Variants in SYTL4 observed in about 807,000 individuals in gnomAD.
SYTL4 encodes synaptotagmin-like protein 4.
Under a neutral mutation model 52.7 loss-of-function variants are expected in SYTL4, and 16 were observed. The ratio of observed to expected loss-of-function variants is 0.30; its 90% CI spans 0.21 to 0.46. The LOEUF (loss-of-function observed/expected upper bound fraction) is 0.46, where lower values mean the gene tolerates loss of function less well. SYTL4 is among the 20% of genes least tolerant of loss of function. The pLI is 1.00. For missense variants in SYTL4, 423 were observed against 519.9 expected, an observed-to-expected ratio of 0.81 and a Z score of 1.81; for synonymous variants, 160 against 186.6, an observed-to-expected ratio of 0.86 and a Z score of 1.16.
At chrX:100,714,484 C>A (rs1426372794) in intron 2 of SYTL4, among the ~76,000 whole-genome samples, 2 of 111,503 alleles carry the variant, frequency 1.8e-5, no homozygotes, top group East Asian at 2.8e-4. Flanking sequence ...TGGTCTCGAT[C>A]TCCTGACCTC....
intron 12 of SYTL4, among the ~76,000 whole-genome samples, chrX:100,688,798 CAG>C (rs1283929490): frequency 3.7e-5 from 4 of 109,282 alleles, no homozygotes; most frequent in African/African-American, 1.3e-4. Flanking sequence ...CTCCTGATCT[CAG>C]GTGATCCGCC....
chrX:100,678,374 G>A lies in SYTL4; in HGVS notation c.1867+17C>T, dbSNP rs779607112. The stretch of plus-strand genomic sequence containing the variant: ...AAGAAGCCTTCAAACAAGTGAGGAT[G>A]GGGGAGGGGATCTCACCAGTGCCAA... On this transcript the variant is annotated intron_variant, in intron 19 of 19. Transcript: ENST00000372989. The A allele has an allele frequency of 1.5e-5, 17 of 1,172,414 alleles. No homozygotes were observed. In the South Asian group the frequency reaches 2.5e-4, roughly 17 times the overall value.
chrX:100,690,784 T>A (rs1408758558), intron 9 of SYTL4, 146 bp from the exon 10 acceptor site: 12 of 458,129 alleles, frequency 2.6e-5, no homozygotes, highest in Non-Finnish European at 4.0e-5. Context: ...GTGATTTACC[T>A]GGAAGGAATG....
At chrX:100,688,787 A>G (rs1293453957) in intron 12 of SYTL4, among the ~76,000 whole-genome samples, 1 of 107,641 alleles carries the variant, frequency 9.3e-6, no homozygotes, top group African/African-American at 3.4e-5. Context: ...CTGGTCTCAA[A>G]CTCCTGATCT....
intron 17 of SYTL4, among the ~76,000 whole-genome samples, chrX:100,680,418 C>T (rs982671846): frequency 4.2e-4 from 47 of 110,900 alleles, no homozygotes; most frequent in African/African-American, 1.5e-3. Context: ...TTTCAAAGAA[C>T]GTAGGCCACA....
chrX:100,677,307 T>G (rs776411250), intron 19 of SYTL4, among the ~76,000 whole-genome samples: 1 of 110,909 alleles, frequency 9.0e-6, no homozygotes, highest in East Asian at 2.9e-4. Context: ...AGGGGAAGAG[T>G]GATACAAGAC....
chrX:100,706,143 C>G (rs1303719802), intron 2 of SYTL4, among the ~76,000 whole-genome samples: 1 of 111,826 alleles, frequency 8.9e-6, no homozygotes, highest in Admixed American at 9.5e-5. Context: ...GCTCCTATAC[C>G]CAGGTTCTAC....
In SYTL4 at chrX:100,678,587, G is replaced by T; in HGVS notation, c.1671C>A (p.Pro557=). ...TACGTTTACTGGCCTTGTTCCTCAT[G>T]GGAAGGAGGTATCTGGCAGAGGGCG... The part of the protein sequence containing the change: ...SDSFVKGYLL[P]MRNKASKRKT... The change falls in exon 19 of 20, where the codon CCC becomes CCA. Residue 557 remains proline, a synonymous_variant. Transcript: ENST00000372989. 8.3e-7 allele frequency: 1 copy of T among 1,209,502 alleles called. No individual in the cohort carries two copies. The highest frequency in any genetic ancestry group is 1.1e-6 in the Non-Finnish European group (1 of 893,535).
At chrX:100,708,763 T>C (rs1192663987) in intron 2 of SYTL4, among the ~76,000 whole-genome samples, 1 of 112,249 alleles carries the variant, frequency 8.9e-6, no homozygotes, top group Non-Finnish European at 1.9e-5. Flanking sequence ...GACTAAAATA[T>C]AGAATTCCTT....
chrX:100,676,278 A>G, intron 19 of SYTL4, 102 bp from the exon 20 acceptor site: 1 of 922,820 alleles, frequency 1.1e-6, no homozygotes, highest in Admixed American at 2.5e-5. Context: ...ACAGTTTCCT[A>G]CGAAGATGGG....
intron 2 of SYTL4, among the ~76,000 whole-genome samples, chrX:100,711,868 T>C (rs1378727085): frequency 1.4e-5 from 1 of 69,576 alleles, no homozygotes; most frequent in Non-Finnish European, 2.6e-5. Flanking sequence ...AGTGGTGGGG[T>C]GGGGTGGGGT....
At chrX:100,683,974 A>G (rs960555847) in intron 16 of SYTL4, among the ~76,000 whole-genome samples, 3 of 111,651 alleles carry the variant, frequency 2.7e-5, no homozygotes, top group African/African-American at 9.8e-5. Flanking sequence ...ATATAATTAT[A>G]TTGACCGTAG....
At chrX:100,695,045 C>G (rs1334344288) in intron 8 of SYTL4, among the ~76,000 whole-genome samples, 2 of 94,724 alleles carry the variant, frequency 2.1e-5, no homozygotes, top group Non-Finnish European at 4.2e-5. Context: ...CAAAAAAACC[C>G]AAGCAGAACC....
intron 16 of SYTL4, chrX:100,685,689 G>A (rs1317720624): frequency 4.8e-6 from 1 of 210,090 alleles, no homozygotes; most frequent in South Asian, 2.0e-4. Flanking sequence ...TCGGAGAAGA[G>A]GTGCGAGTTA....
At chrX:100,719,536 C>T (rs1279168608) in intron 2 of SYTL4, among the ~76,000 whole-genome samples, 1 of 104,567 alleles carries the variant, frequency 9.6e-6, no homozygotes, top group African/African-American at 4.0e-5. Context: ...GGCTTACTTT[C>T]CCAGACCCCT....
rs763256082 is a variant in SYTL4, at chrX:100,725,387, C to T, written c.-240+6031G>A. On this transcript the variant is annotated intron_variant, in intron 2 of 19. Coordinates refer to ENST00000372989, the MANE Select transcript of SYTL4 (RefSeq NM_001370165.1). ...AAGGGGAAAAATCACATGGCCAATA[C>T]ACATCAAAAAGAAAAAGTTTCACTC... 1.7e-4 allele frequency among the ~76,000 whole-genome samples: 19 copies of T among 111,909 alleles called. 1 individual carries two copies. Among genetic ancestry groups the T allele is most frequent in the Admixed American group, 1.9e-4 (2 of 10,604 alleles).
intron 2 of SYTL4, among the ~76,000 whole-genome samples, chrX:100,723,550 G>A (rs763613201): frequency 1.3e-3 from 144 of 111,793 alleles, no homozygotes; most frequent in African/African-American, 3.8e-3. Flanking sequence ...ACCCCATCTG[G>A]GAAGTGAGGA....
chrX:100,718,025 T>C lies in SYTL4; in HGVS notation c.-239-13139A>G, dbSNP rs577291378. Among the ~76,000 whole-genome samples the C allele has an allele frequency of 5.3e-4, 60 of 112,157 alleles. No individual in the cohort carries two copies. In the South Asian group the frequency reaches 6.8e-3, roughly 13 times the overall value. ...ACCTCCTTGAGTCTGTTTCCCCATT[T>C]GTAAAAATGAGGATTAATAATAAGA... is the stretch of plus-strand genomic sequence containing the variant. On this transcript the variant is annotated intron_variant, in intron 2 of 19. Coordinates refer to ENST00000372989, the MANE Select transcript of SYTL4 (RefSeq NM_001370165.1).
chrX:100,704,687 T>A (rs952831881), intron 3 of SYTL4, 124 bp downstream of exon 3: 1 of 111,549 alleles, frequency 9.0e-6, no homozygotes, highest in Non-Finnish European at 1.9e-5. Flanking sequence ...CAGGAAATAG[T>A]TGGAGACACA....
Sources: gnomAD v4.1 joint callset for allele counts (sites outside exome capture counted in the v4.1 genomes callset) on GRCh38, gnomAD v4.1.1 for gene constraint, MANE v1.5 for transcripts, NCBI Gene and HGNC (gene_info 2026-07-23, HGNC 2026-07-21) for gene names.